Variants in PTPRT observed in about 807,000 individuals in gnomAD.
The protein encoded by PTPRT is protein tyrosine phosphatase receptor type T, also known as receptor-type tyrosine-protein phosphatase T.
In PTPRT, 56 loss-of-function variants were observed where a neutral mutation model predicts 176.8. The observed-to-expected ratio is 0.32, with a 90% CI of 0.26 to 0.40. The LOEUF (loss-of-function observed/expected upper bound fraction) is 0.40. Among genes scored for constraint, PTPRT ranks in the 10% least tolerant of loss-of-function variants. The pLI is 1.00. For missense variants in PTPRT, 1,540 were observed against 1,908.2 expected (o/e 0.81, Z 3.60); for synonymous variants, 783 against 739.0 (o/e 1.06, Z -0.96).
chr20:42,687,209 A>T (rs909885247), intron 6 of PTPRT: 1 of 152,162 alleles, frequency 6.6e-6, no homozygotes, highest in Non-Finnish European at 1.5e-5. Flanking sequence ...AGACAGAAAG[A>T]TCCCATCAAA....
At chr20:42,703,462 T>A (rs1441137843) in intron 6 of PTPRT, among the ~76,000 whole-genome samples, 1 of 151,758 alleles carries the variant, frequency 6.6e-6, no homozygotes, top group Non-Finnish European at 1.5e-5. Flanking sequence ...AGGAGTGGGG[T>A]GAATGGAAGT....
chr20:42,098,820 C>T (rs1985563587), intron 26 of PTPRT, among the ~76,000 whole-genome samples: 1 of 152,248 alleles, frequency 6.6e-6, no homozygotes, highest in African/African-American at 2.4e-5. Context: ...CGGAGCTCAG[C>T]AAATAATCAT....
At chr20:42,622,140 C>T (rs544281738) in intron 7 of PTPRT, among the ~76,000 whole-genome samples, 44 of 152,304 alleles carry the variant, frequency 2.9e-4, no homozygotes, top group African/African-American at 1.0e-3. Context: ...GTTCCTCTAC[C>T]AGTGTCCTGG....
intron 1 of PTPRT, among the ~76,000 whole-genome samples, chr20:43,095,647 T>G (rs904173505): frequency 6.7e-6 from 1 of 148,746 alleles, no homozygotes; most frequent in Non-Finnish European, 1.5e-5. Context: ...CCTGACTCTC[T>G]CCCACCTCTC....
At chr20:42,103,705 A>T (rs1034740979) in intron 25 of PTPRT, among the ~76,000 whole-genome samples, 3 of 152,212 alleles carry the variant, frequency 2.0e-5, no homozygotes, top group African/African-American at 7.2e-5. Context: ...TTTAGCAGTA[A>T]GAGTCTACTG....
chr20:43,067,413 C>T (rs891759927), intron 1 of PTPRT, among the ~76,000 whole-genome samples: 2 of 152,062 alleles, frequency 1.3e-5, no homozygotes, highest in African/African-American at 4.8e-5. Context: ...ACTTATAGAA[C>T]ATTGTGAATG....
chr20:42,943,466 T>G (rs958814496), intron 1 of PTPRT, among the ~76,000 whole-genome samples: 1 of 152,166 alleles, frequency 6.6e-6, no homozygotes, highest in Non-Finnish European at 1.5e-5. Flanking sequence ...CACTGAAGAC[T>G]AAGTTACTCT....
intron 1 of PTPRT, among the ~76,000 whole-genome samples, chr20:42,942,687 C>G (rs1224458491): frequency 2.0e-5 from 3 of 152,188 alleles, no homozygotes; most frequent in African/African-American, 7.2e-5. Context: ...AGTTCAAACC[C>G]TATCTTCACT....
chr20:43,052,856 C>G (rs914714819), intron 1 of PTPRT, among the ~76,000 whole-genome samples: 3 of 152,210 alleles, frequency 2.0e-5, no homozygotes, highest in African/African-American at 7.2e-5. Flanking sequence ...ACAGATTTGT[C>G]TCTTCTGGCA....
At chr20:42,372,355 C>A (rs2058597616) in intron 9 of PTPRT, among the ~76,000 whole-genome samples, 2 of 142,466 alleles carry the variant, frequency 1.4e-5, no homozygotes, top group Non-Finnish European at 3.0e-5. Context: ...ACAATCTTGG[C>A]TCATTGCAAC....
intron 22 of PTPRT, among the ~76,000 whole-genome samples, chr20:42,111,928 G>T (rs1326499006): frequency 1.3e-5 from 2 of 152,092 alleles, no homozygotes; most frequent in Non-Finnish European, 2.9e-5. Flanking sequence ...GGCTTAGCAT[G>T]GTGTGTGCAG....
chr20:42,929,958 G>A (rs374599588), intron 1 of PTPRT, among the ~76,000 whole-genome samples: 88 of 152,292 alleles, frequency 5.8e-4, no homozygotes, highest in African/African-American at 2.0e-3. Flanking sequence ...CAAGTTCTGT[G>A]TCCCCATCTC....
At chr20:42,522,364 T>A (rs905406260) in intron 7 of PTPRT, among the ~76,000 whole-genome samples, 15 of 151,986 alleles carry the variant, frequency 9.9e-5, no homozygotes, top group African/African-American at 3.6e-4. Context: ...GTGTCTCATA[T>A]CATTTTCTTA....
At chr20:42,592,130 C>A (rs2073589458) in intron 7 of PTPRT, among the ~76,000 whole-genome samples, 1 of 150,604 alleles carries the variant, frequency 6.6e-6, no homozygotes, top group Non-Finnish European at 1.5e-5. Context: ...CAGGCACCCA[C>A]AACCACACCC....
intron 2 of PTPRT, among the ~76,000 whole-genome samples, chr20:42,791,745 G>A (rs1029946109): frequency 4.6e-5 from 7 of 152,222 alleles, no homozygotes; most frequent in Non-Finnish European, 1.0e-4. Context: ...ATTGCTATTT[G>A]CAGAAAACAT....
At chr20:42,864,191 G>C (rs974028015) in intron 2 of PTPRT, among the ~76,000 whole-genome samples, 3 of 152,210 alleles carry the variant, frequency 2.0e-5, no homozygotes, top group African/African-American at 7.2e-5. Context: ...GCCTTCTGCT[G>C]AGTCTCAGTA....
intron 17 of PTPRT, among the ~76,000 whole-genome samples, chr20:42,160,292 C>T (rs1481000691): frequency 6.6e-6 from 1 of 152,200 alleles, no homozygotes; most frequent in East Asian, 1.9e-4. Context: ...TCAAAGCTGG[C>T]TGCAGCTGGA....
At chr20:43,177,956 T>A (rs774365266) in intron 1 of PTPRT, among the ~76,000 whole-genome samples, 1 of 152,234 alleles carries the variant, frequency 6.6e-6, no homozygotes, top group Non-Finnish European at 1.5e-5. Context: ...GGAACAGGGA[T>A]CTTCCAAGAG....
intron 1 of PTPRT, among the ~76,000 whole-genome samples, chr20:43,001,141 A>T (rs1984532866): frequency 6.6e-6 from 1 of 152,216 alleles, no homozygotes; most frequent in African/African-American, 2.4e-5. Flanking sequence ...TTAGAAGGGA[A>T]GAAAAAAGAT....
Sources: gnomAD v4.1 joint callset for allele counts (sites outside exome capture counted in the v4.1 genomes callset) on GRCh38, gnomAD v4.1.1 for gene constraint, MANE v1.5 for transcripts, NCBI Gene and HGNC (gene_info 2026-07-23, HGNC 2026-07-21) for gene names.